The following ANKRD55 variants were observed in gnomAD, a reference collection of about 807,000 sequenced individuals.
The protein encoded by ANKRD55 is ankyrin repeat domain 55.
ANKRD55 carries 41 observed loss-of-function variants against 60.6 expected under a neutral mutation model. That is an observed-to-expected ratio of 0.68 (90% confidence interval 0.53 to 0.88). The LOEUF (loss-of-function observed/expected upper bound fraction) is 0.88. Ranked by LOEUF, ANKRD55 falls within the 40% of genes least tolerant of loss-of-function variation. ANKRD55 has a pLI of 0.00. For synonymous variants in ANKRD55, 264 were observed against 290.3 expected (o/e 0.91, Z 0.92); for missense variants, 732 against 767.6 (o/e 0.95, Z 0.55).
intron 2 of ANKRD55, among the ~76,000 whole-genome samples, chr5:56,208,510 C>T (rs1439275291): frequency 6.6e-6 from 1 of 152,040 alleles, no homozygotes; most frequent in East Asian, 1.9e-4. Context: ...CTGTAACCTC[C>T]ACCTCCTGGG....
intron 2 of ANKRD55, among the ~76,000 whole-genome samples, chr5:56,232,376 C>G (rs189854540): frequency 6.6e-6 from 1 of 151,996 alleles, no homozygotes; most frequent in African/African-American, 2.4e-5. Flanking sequence ...ATACAGGCAA[C>G]ATCTATTCCT....
intron 6 of ANKRD55, among the ~76,000 whole-genome samples, chr5:56,147,427 G>C (rs1326579491): frequency 1.3e-5 from 2 of 152,184 alleles, no homozygotes; most frequent in Non-Finnish European, 2.9e-5. Context: ...GTTCTTACTA[G>C]TGTAAGGATT....
At chr5:56,107,479 A>T (rs1211753058) in intron 10 of ANKRD55, among the ~76,000 whole-genome samples, 1 of 152,172 alleles carries the variant, frequency 6.6e-6, no homozygotes, top group Non-Finnish European at 1.5e-5. Context: ...TTTGGGTGGC[A>T]CATGTGTCAG....
chr5:56,118,845 C>T (rs1220782792), intron 8 of ANKRD55, among the ~76,000 whole-genome samples: 1 of 152,060 alleles, frequency 6.6e-6, no homozygotes, highest in Non-Finnish European at 1.5e-5. Flanking sequence ...TACCAATACA[C>T]ACCTATGAAG....
chr5:56,161,714 G>C (rs961114291), intron 5 of ANKRD55, among the ~76,000 whole-genome samples: 1 of 152,160 alleles, frequency 6.6e-6, no homozygotes, highest in African/African-American at 2.4e-5. Context: ...GTATCTTCAT[G>C]TATATCAGAG....
At chr5:56,194,810 T>C (rs1219161906) in intron 2 of ANKRD55, among the ~76,000 whole-genome samples, 3 of 152,218 alleles carry the variant, frequency 2.0e-5, no homozygotes, top group Non-Finnish European at 2.9e-5. Context: ...TTTTCTTGTA[T>C]CAGTGCCACT....
At chr5:56,202,783 G>A (rs1340947072) in intron 2 of ANKRD55, among the ~76,000 whole-genome samples, 2 of 152,118 alleles carry the variant, frequency 1.3e-5, no homozygotes, top group Non-Finnish European at 2.9e-5. Context: ...GTGTTTCTTT[G>A]AATGTTAGCA....
chr5:56,208,637 C>T (rs1360701311), intron 2 of ANKRD55, among the ~76,000 whole-genome samples: 3 of 152,162 alleles, frequency 2.0e-5, no homozygotes, highest in South Asian at 2.1e-4. Flanking sequence ...TTGGCCAGTC[C>T]GGTCTTGAAC....
At chr5:56,143,730 C>T (rs961350962) in intron 7 of ANKRD55, 71 bp downstream of exon 7, 13 of 1,593,378 alleles carry the variant, frequency 8.2e-6, no homozygotes, top group Middle Eastern at 3.5e-4. Context: ...AAAGTTTGAC[C>T]TACTCAGAAA....
chr5:56,157,812 CGGA>C (rs1250673055), intron 6 of ANKRD55, among the ~76,000 whole-genome samples: 1 of 152,120 alleles, frequency 6.6e-6, no homozygotes, highest in Non-Finnish European at 1.5e-5. Context: ...ACTCAGAGAC[CGGA>C]GCCGGCGCGC....
Position 56,136,892 on chromosome 5 carries a change from G to C in ANKRD55, c.612+6909C>G, listed in dbSNP as rs902282178. On this transcript the variant is annotated intron_variant, in intron 7 of 11. Transcript: ENST00000341048. ...GCCATGATTATGTCACTGCACTCCA[G>C]CCTGGATGAGACAGAGTGAATTCTA... 10 of 384,844 alleles carry C rather than the reference G, an allele frequency of 2.6e-5. No homozygotes were observed. In the Admixed American group the frequency reaches 2.9e-4, roughly 11 times the overall value. 23.8% of individuals were successfully genotyped at this position (384,844 alleles called of 1,614,324 possible).
At chr5:56,208,412 A>AT (rs886719496) in intron 2 of ANKRD55, among the ~76,000 whole-genome samples, 22 of 142,358 alleles carry the variant, frequency 1.5e-4, no homozygotes, top group African/African-American at 5.4e-4. Flanking sequence ...TTTTAAAAAA[A>AT]ATATTTATTT....
chr5:56,112,095 T>G (rs1022018782), intron 9 of ANKRD55, among the ~76,000 whole-genome samples: 1 of 152,168 alleles, frequency 6.6e-6, no homozygotes, highest in African/African-American at 2.4e-5. Context: ...AGAGGTTAAC[T>G]AAACTGAAAA....
At chr5:56,187,505 C>T (rs1393581367) in intron 2 of ANKRD55, among the ~76,000 whole-genome samples, 2 of 152,194 alleles carry the variant, frequency 1.3e-5, no homozygotes, top group Non-Finnish European at 2.9e-5. Flanking sequence ...TCTTCTGGTC[C>T]GTGTTTGTTA....
chr5:56,195,768 G>A (rs1054462863), intron 2 of ANKRD55, among the ~76,000 whole-genome samples: 3 of 152,060 alleles, frequency 2.0e-5, no homozygotes, highest in African/African-American at 7.2e-5. Flanking sequence ...TATTTATTGT[G>A]CCAAAACATG....
Position 56,108,515 on chromosome 5 carries a change from T to A in ANKRD55, c.1630+2603A>T, listed in dbSNP as rs1561249257. ...GTGCTTTGTGGAGGAAGCAAAATCT[T>A]GACTGGAGTTTTTCTCAGACATCAG... On this transcript the variant is annotated intron_variant, in intron 10 of 11. Coordinates refer to ENST00000341048, the MANE Select transcript of ANKRD55 (RefSeq NM_024669.3). Among the ~76,000 whole-genome samples, 21 of 152,272 alleles carry A rather than the reference T, an allele frequency of 1.4e-4. No individual in the cohort carries two copies. The East Asian group carries it at 4.1e-3, about 29-fold the overall frequency.
chr5:56,159,856 C>G lies in ANKRD55; in HGVS notation c.460G>C (p.Glu154Gln), dbSNP rs867180353. Reference protein sequence around the residue: ...TVLLQQSNISEINHQDNEGMT... With the variant: ...TVLLQQSNISQINHQDNEGMT... ...ACCTCATTGTCCTGGTGATTAATCTCGCTGATGTTCGACTGTTGCAACAGG... is the reference window on the plus strand; with the variant it reads ...ACCTCATTGTCCTGGTGATTAATCTGGCTGATGTTCGACTGTTGCAACAGG... The change falls in exon 6 of 12, where the codon GAG (glutamate) becomes CAG (glutamine). Residue 154 changes from glutamate (E) to glutamine (Q), a missense_variant. Transcript: ENST00000341048. 1.9e-6 allele frequency: 3 copies of G among 1,613,780 alleles called. No homozygotes were observed. Among genetic ancestry groups the G allele is most frequent in the Non-Finnish European group, 2.5e-6 (3 of 1,179,850 alleles).
intron 7 of ANKRD55, among the ~76,000 whole-genome samples, chr5:56,131,268 A>C (rs1757402836): frequency 1.3e-5 from 2 of 152,208 alleles, no homozygotes. Flanking sequence ...GAGGAAAAGA[A>C]CACCTTACCT....
intron 2 of ANKRD55, among the ~76,000 whole-genome samples, chr5:56,201,505 T>C (rs1272447049): frequency 6.6e-6 from 1 of 152,208 alleles, no homozygotes; most frequent in Admixed American, 6.5e-5. Flanking sequence ...GAGCACAAGC[T>C]CTGGGGCCTC....
Sources: gnomAD v4.1 joint callset for allele counts (sites outside exome capture counted in the v4.1 genomes callset) on GRCh38, gnomAD v4.1.1 for gene constraint, MANE v1.5 for transcripts, NCBI Gene and HGNC (gene_info 2026-07-23, HGNC 2026-07-21) for gene names.